POGLUT2: variants seen among roughly 807,000 people sequenced by gnomAD.
The protein encoded by POGLUT2 is ER protein 58.
A neutral mutation model predicts 57.6 loss-of-function variants in POGLUT2; 47 were observed. That is an observed-to-expected ratio of 0.82 (90% CI 0.65 to 1.04). The LOEUF is 1.04. Among genes scored for constraint, POGLUT2 ranks in the 50% least tolerant of loss-of-function variants. The pLI, the probability that POGLUT2 is intolerant of heterozygous loss-of-function variation, is 0.00. For synonymous variants in POGLUT2, 200 were observed against 218.8 expected, an observed-to-expected ratio of 0.91 and a Z score of 0.76; for missense variants, 565 against 614.8, an observed-to-expected ratio of 0.92 and a Z score of 0.86.
Position 102,791,128 on chromosome 13 carries a change from C to A in POGLUT2, c.856G>T (p.Asp286Tyr). The change falls in exon 6 of 10, where the codon GAT (aspartate) becomes TAT (tyrosine). Residue 286 changes from aspartate to tyrosine, a missense_variant. Coordinates refer to ENST00000376004, the MANE Select transcript of POGLUT2 (RefSeq NM_024089.3). ...VLETMGRVSL[D>Y]MMSVQANTGP... Reference sequence around the variant, plus strand: ...GTGTTAGCTTGCACGGACATCATATCCAGACTTACCCTAGAAGACAAAGTG... The same window carrying A: ...GTGTTAGCTTGCACGGACATCATATACAGACTTACCCTAGAAGACAAAGTG... The A allele has an allele frequency of 6.2e-7, 1 of 1,613,884 alleles. No homozygotes were observed. Among genetic ancestry groups the A allele is most frequent in the Non-Finnish European group, 8.5e-7 (1 of 1,179,798 alleles).
At chr13:102,795,196 G>T (rs1393932289) in intron 2 of POGLUT2, among the ~76,000 whole-genome samples, 1 of 144,258 alleles carries the variant, frequency 6.9e-6, no homozygotes, top group African/African-American at 2.6e-5. Context: ...AGCTTGCAGT[G>T]AGCCGAGATT....
chr13:102,793,946 G>T, intron 2 of POGLUT2, 140 bp from the exon 3 acceptor site: 1 of 745,934 alleles, frequency 1.3e-6, no homozygotes, highest in Non-Finnish European at 2.2e-6. Context: ...CACATTTTAA[G>T]AGAATTACAG....
chr13:102,785,030 C>A (rs2139077261), intron 9 of POGLUT2, among the ~76,000 whole-genome samples: 1 of 152,294 alleles, frequency 6.6e-6, no homozygotes, highest in East Asian at 1.9e-4. Flanking sequence ...TTGGTTTTAA[C>A]TGATTTTTAT....
At chr13:102,790,218 A>G (rs1238975735) in intron 6 of POGLUT2, among the ~76,000 whole-genome samples, 1 of 152,242 alleles carries the variant, frequency 6.6e-6, no homozygotes, top group Non-Finnish European at 1.5e-5. Context: ...AAACCCATCA[A>G]AAGAAAATTT....
intron 9 of POGLUT2, among the ~76,000 whole-genome samples, chr13:102,785,052 A>G (rs1331433633): frequency 6.6e-6 from 1 of 152,218 alleles, no homozygotes; most frequent in Non-Finnish European, 1.5e-5. Context: ...GCCTTGGAGC[A>G]CTGACAGAGT....
intron 2 of POGLUT2, 101 bp downstream of exon 2, chr13:102,796,696 AAAAATAT>A (rs1566439535): frequency 1.1e-4 from 16 of 142,258 alleles, no homozygotes; most frequent in East Asian, 3.1e-4. Context: ...AAAAAAAAAA[AAAAATAT>A]ATATATATAT....
At chr13:102,789,307 T>C in intron 6 of POGLUT2, 86 bp from the exon 7 acceptor site, 1 of 1,138,690 alleles carries the variant, frequency 8.8e-7, no homozygotes, top group Non-Finnish European at 1.3e-6. Context: ...ACATAAACCT[T>C]TGCAATCCTC....
intron 2 of POGLUT2, 115 bp from the exon 3 acceptor site, chr13:102,793,921 C>T: frequency 1.2e-6 from 1 of 866,692 alleles, no homozygotes; most frequent in South Asian, 1.6e-5. Context: ...ATAGGAAGAG[C>T]ATTTTCATTG....
Position 102,789,217 on chromosome 13 carries a change from T to A in POGLUT2, c.1088A>T (p.Lys363Met), listed in dbSNP as rs977682879. The A allele has an allele frequency of 6.2e-7, 1 of 1,613,126 alleles. No individual in the cohort carries two copies. The highest frequency in any genetic ancestry group is 1.3e-5 in the African/African-American group (1 of 74,912). Reference sequence around the variant, plus strand: ...AGTGCCATCGATATTTATTTGATACTTATGCTGCAAAACAATGGTAAAGTC... The same window carrying A: ...AGTGCCATCGATATTTATTTGATACATATGCTGCAAAACAATGGTAAAGTC... ...HISFFDFFKH[K>M]YQINIDGTVA... is the part of the protein sequence containing the mutation. Residue 363 changes from lysine (K) to methionine (M), a missense_variant, in exon 7 of 10, where the codon AAG becomes ATG. Transcript: ENST00000376004.
intron 1 of POGLUT2, 78 bp downstream of exon 1, chr13:102,798,411 C>T: frequency 1.5e-6 from 2 of 1,374,620 alleles, no homozygotes; most frequent in Non-Finnish European, 2.0e-6. Flanking sequence ...GAAACGAGTT[C>T]TTGGAAAGAA....
Position 102,790,887 on chromosome 13 carries a change from T to C in POGLUT2, c.1083+14A>G. 6.7e-7 allele frequency: 1 copy of C among 1,491,340 alleles called. No individual in the cohort carries two copies. Among genetic ancestry groups the C allele is most frequent in the Non-Finnish European group, 9.4e-7 (1 of 1,068,924 alleles). The allele number at this position is 1,491,340 out of a possible 1,614,324, so 92.4% of individuals were successfully genotyped here. On this transcript the variant is annotated intron_variant, in intron 6 of 9. Coordinates refer to ENST00000376004, the MANE Select transcript of POGLUT2 (RefSeq NM_024089.3). ...TAGAAAAACAAAAAAGATTAGCTAC[T>C]GATTAAGTCATACCTTGAAGAAATC...
At chr13:102,787,343 G>A (rs1479732387) in intron 8 of POGLUT2, among the ~76,000 whole-genome samples, 1 of 152,060 alleles carries the variant, frequency 6.6e-6, no homozygotes, top group Non-Finnish European at 1.5e-5. Flanking sequence ...CACCGCACCC[G>A]GCCTACTACC....
Position 102,790,988 on chromosome 13 carries a change from A to C in POGLUT2, c.996T>G (p.Ala332=), listed in dbSNP as rs759559391. Residue 332 remains alanine, a synonymous_variant, in exon 6 of 10, where the codon GCT becomes GCG. Coordinates refer to ENST00000376004, the MANE Select transcript of POGLUT2 (RefSeq NM_024089.3). ...TAAAGAAGAAAAAGTTGGTGAAAGCAGCGTCTATGAGTTCTGGGTGTTTTC... is the reference window on the plus strand; with the variant it reads ...TAAAGAAGAAAAAGTTGGTGAAAGCCGCGTCTATGAGTTCTGGGTGTTTTC... ...LSRKHPELID[A]AFTNFFFFKH... is the part of the protein sequence containing the mutation. 13 of 1,614,172 alleles carry C rather than the reference A, an allele frequency of 8.1e-6. No individual in the cohort carries two copies. The highest frequency in any genetic ancestry group is 9.3e-6 in the Non-Finnish European group (11 of 1,179,970).
chr13:102,788,978 A>T (rs779786998), intron 7 of POGLUT2, 34 bp downstream of exon 7: 1 of 1,528,320 alleles, frequency 6.5e-7, no homozygotes, highest in Non-Finnish European at 9.1e-7. Context: ...TTGGGAAACA[A>T]GTGGAAATAA....
At chr13:102,791,531 G>A (rs1878178946) in intron 4 of POGLUT2, 101 bp from the exon 5 acceptor site, 2 of 1,086,292 alleles carry the variant, frequency 1.8e-6, no homozygotes, top group African/African-American at 1.6e-5. Flanking sequence ...AAAGGCCAAT[G>A]TTACATGTTT....
In POGLUT2 at chr13:102,798,674, C is replaced by G. The variant is rs752746520; in HGVS notation, c.-4G>C. ...AAAGTAGCAAAGTGCCAAACATTTA[C>G]AAGACGGACTCTCGAAATGATCCAC... On this transcript the variant is annotated 5_prime_UTR_variant, in exon 1 of 10. Coordinates refer to ENST00000376004, the MANE Select transcript of POGLUT2 (RefSeq NM_024089.3). 3.8e-6 allele frequency: 6 copies of G among 1,582,228 alleles called. No individual in the cohort carries two copies. In the South Asian group the frequency reaches 5.7e-5, roughly 15 times the overall value.
At position 102,796,309 on chromosome 13, in the gene POGLUT2, A is replaced by AAAAAAAAT. The variant is rs1555319540; in HGVS notation, c.388+494_388+495insATTTTTTT. Among the ~76,000 whole-genome samples, 243 of 125,936 alleles carry AAAAAAAAT rather than the reference A, an allele frequency of 1.9e-3. 2 individuals are homozygous for AAAAAAAAT. Among genetic ancestry groups the AAAAAAAAT allele is most frequent in the Admixed American group, 4.7e-3 (54 of 11,556 alleles). 82.6% of individuals were successfully genotyped at this position (125,936 alleles called of 152,430 possible). ...ACTCTGCCTCAAAAAAAAAAAAAAA[A>AAAAAAAAT]AAATAAATAAATAAATAAATAAATA... On this transcript the variant is annotated intron_variant, in intron 2 of 9. Transcript: ENST00000376004.
chr13:102,787,334 AC>A (rs373692907), intron 8 of POGLUT2, among the ~76,000 whole-genome samples: 6 of 152,200 alleles, frequency 3.9e-5, no homozygotes, highest in African/African-American at 9.7e-5. Context: ...GGTGTGAGCC[AC>A]CGCACCCGGC....
chr13:102,787,974 G>T, intron 7 of POGLUT2, 51 bp from the exon 8 acceptor site: 1 of 1,119,432 alleles, frequency 8.9e-7, no homozygotes, highest in Non-Finnish European at 1.3e-6. Context: ...TTTTTCCCAT[G>T]CAGGCATCTG....
Sources: allele counts gnomAD v4.1 joint callset (sites outside exome capture counted in the v4.1 genomes callset), GRCh38; gene constraint gnomAD v4.1.1; transcripts MANE v1.5; gene names NCBI Gene and HGNC (gene_info 2026-07-23, HGNC 2026-07-21).